The following SNTB2 variants were observed in gnomAD, a reference collection of about 807,000 sequenced individuals.
SNTB2 encodes syntrophin beta 2, also known as beta-2-syntrophin.
In SNTB2, 34 loss-of-function variants were observed where a neutral mutation model predicts 46.2. The ratio of observed to expected loss-of-function variants is 0.74; its 90% confidence interval spans 0.56 to 0.98. The LOEUF is 0.98. SNTB2 is among the 50% of genes least tolerant of loss of function. The probability of loss-of-function intolerance (pLI) is 0.00; values close to 1 mark genes in which losing one functional copy is unlikely to be tolerated. For synonymous variants in SNTB2, 290 were observed against 312.6 expected (o/e 0.93, Z 0.76); for missense variants, 603 against 731.4 (o/e 0.82, Z 2.02).
At chr16:69,282,648 A>G (rs1228838775) in intron 4 of SNTB2, among the ~76,000 whole-genome samples, 1 of 152,216 alleles carries the variant, frequency 6.6e-6, no homozygotes. Flanking sequence ...TGGGATTTTA[A>G]TGGGATGGCA....
intron 4 of SNTB2, among the ~76,000 whole-genome samples, chr16:69,279,687 G>A (rs1452844809): frequency 2.2e-5 from 3 of 135,094 alleles, no homozygotes; most frequent in Non-Finnish European, 3.2e-5. Context: ...CACCATGCCC[G>A]GCTAATTTTT....
At chr16:69,204,511 A>T (rs1489087906) in intron 1 of SNTB2, among the ~76,000 whole-genome samples, 1 of 152,206 alleles carries the variant, frequency 6.6e-6, no homozygotes, top group East Asian at 1.9e-4. Context: ...GCCTTTCCCA[A>T]CATGAATTTT....
chr16:69,283,490 G>A (rs1170649495), intron 4 of SNTB2, among the ~76,000 whole-genome samples: 2 of 152,084 alleles, frequency 1.3e-5, no homozygotes, highest in African/African-American at 4.8e-5. Context: ...GATATTCACT[G>A]CCTTCTACCA....
intron 1 of SNTB2, among the ~76,000 whole-genome samples, chr16:69,235,031 A>T (rs556053876): frequency 5.9e-4 from 89 of 151,840 alleles, no homozygotes; most frequent in Middle Eastern, 3.4e-3. Context: ...TTATTTATTT[A>T]TTTTTTGAGA....
intron 4 of SNTB2, among the ~76,000 whole-genome samples, chr16:69,282,158 G>T (rs1246424780): frequency 6.7e-6 from 1 of 149,534 alleles, no homozygotes; most frequent in Non-Finnish European, 1.5e-5. Flanking sequence ...GCCCGCCTTG[G>T]CCTCCCAAAG....
At chr16:69,283,325 G>GA (rs1399141839) in intron 4 of SNTB2, among the ~76,000 whole-genome samples, 1 of 152,172 alleles carries the variant, frequency 6.6e-6, no homozygotes, top group African/African-American at 2.4e-5. Flanking sequence ...TGCAAACAAA[G>GA]ACAGTTTTAT....
chr16:69,196,472 T>G (rs972344010), intron 1 of SNTB2, among the ~76,000 whole-genome samples: 13 of 151,220 alleles, frequency 8.6e-5, no homozygotes, highest in Admixed American at 2.0e-4. Flanking sequence ...CCTCCTGGGT[T>G]CAAGCGATTC....
At chr16:69,268,039 T>G (rs1388553361) in intron 3 of SNTB2, among the ~76,000 whole-genome samples, 1 of 152,206 alleles carries the variant, frequency 6.6e-6, no homozygotes, top group African/African-American at 2.4e-5. Flanking sequence ...AGTCTTTGGC[T>G]TTTTGGCCTT....
At chr16:69,252,098 T>C (rs1964732986) in intron 2 of SNTB2, among the ~76,000 whole-genome samples, 2 of 152,206 alleles carry the variant, frequency 1.3e-5, no homozygotes, top group Admixed American at 6.5e-5. Context: ...TTTTTGTGGC[T>C]CATCCTTCAT....
At chr16:69,241,168 CTTTTTTTTTT>C (rs747664809) in intron 1 of SNTB2, among the ~76,000 whole-genome samples, 6 of 59,286 alleles carry the variant, frequency 1.0e-4, no homozygotes, top group African/African-American at 4.2e-4. Context: ...CCTGGATAAG[CTTTTTTTTTT>C]TTTTTTTTTT....
chr16:69,232,535 CGG>C, intron 1 of SNTB2, among the ~76,000 whole-genome samples: 1 of 77,044 alleles, frequency 1.3e-5, no homozygotes, highest in Admixed American at 2.1e-4. Context: ...TTTTTGGAGA[CGG>C]AGTCTCGCTC....
chr16:69,288,516 A>G (rs983467095), intron 5 of SNTB2, among the ~76,000 whole-genome samples: 4 of 152,224 alleles, frequency 2.6e-5, no homozygotes, highest in Non-Finnish European at 5.9e-5. Context: ...TAGAGTAGCT[A>G]ATATTCAAAA....
chr16:69,292,358 A>T (rs1467114427), intron 5 of SNTB2, among the ~76,000 whole-genome samples: 4 of 56,112 alleles, frequency 7.1e-5, no homozygotes, highest in African/African-American at 5.4e-4. Context: ...TATTTTTTAT[A>T]TATATATATA....
intron 1 of SNTB2, among the ~76,000 whole-genome samples, chr16:69,198,675 T>A (rs1444238222): frequency 6.6e-6 from 1 of 152,160 alleles, no homozygotes; most frequent in Non-Finnish European, 1.5e-5. Flanking sequence ...TGATTTTTCT[T>A]GGGAAAAAAT....
At chr16:69,275,020 C>T (rs924538884) in intron 4 of SNTB2, among the ~76,000 whole-genome samples, 4 of 151,612 alleles carry the variant, frequency 2.6e-5, no homozygotes, top group Admixed American at 1.3e-4. Context: ...CTTCCCTTCC[C>T]TTTCCTTTTC....
At chr16:69,268,024 AAT>A (rs1303862947) in intron 3 of SNTB2, among the ~76,000 whole-genome samples, 1 of 152,198 alleles carries the variant, frequency 6.6e-6, no homozygotes, top group African/African-American at 2.4e-5. Context: ...GCTTTTCTTG[AAT>A]ATAGTCTTTG....
In SNTB2 at chr16:69,306,617, T is replaced by C. The variant is rs540848568; in HGVS notation, c.*5693T>C. 1 of 152,356 alleles carries C rather than the reference T, an allele frequency of 6.6e-6. No homozygotes were observed. The highest frequency in any genetic ancestry group is 1.5e-5 in the Non-Finnish European group (1 of 68,028). The allele number at this position is 152,356 out of a possible 1,614,324, so 9.4% of individuals were successfully genotyped here. A position where few individuals can be genotyped will look rare whatever the true frequency, so the allele number is the denominator to read the frequency against. ...AGAGAGAAATGATATTTCATTGTAT[T>C]GTAGGTTTGGGAATCCTGGTTAGAT... is the stretch of plus-strand genomic sequence containing the variant. On this transcript the variant is annotated 3_prime_UTR_variant, in exon 7 of 7. Transcript: ENST00000336278.
At chr16:69,203,769 A>G (rs1233921358) in intron 1 of SNTB2, among the ~76,000 whole-genome samples, 1 of 152,028 alleles carries the variant, frequency 6.6e-6, no homozygotes, top group South Asian at 2.1e-4. Flanking sequence ...TAATAATAAT[A>G]ATAATTCTTA....
chr16:69,219,320 T>G (rs1964377608), intron 1 of SNTB2, among the ~76,000 whole-genome samples: 1 of 152,136 alleles, frequency 6.6e-6, no homozygotes, highest in African/African-American at 2.4e-5. Flanking sequence ...AGCTGGGGAA[T>G]AGGGAGATGT....
Sources: gnomAD v4.1 joint callset for allele counts (sites outside exome capture counted in the v4.1 genomes callset) on GRCh38, gnomAD v4.1.1 for gene constraint, MANE v1.5 for transcripts, NCBI Gene and HGNC (gene_info 2026-07-23, HGNC 2026-07-21) for gene names.